Variants in DMD observed in about 807,000 individuals in gnomAD.
DMD encodes dystrophin, also known as mutant dystrophin.
In DMD, 63 loss-of-function variants were observed where a neutral mutation model predicts 330.1. The ratio of observed to expected loss-of-function variants is 0.19; its 90% CI spans 0.16 to 0.24. DMD has a LOEUF of 0.24. DMD is among the 10% of genes least tolerant of loss of function. The pLI is 1.00. For missense variants in DMD, 3,344 were observed against 2,684.1 expected, an observed-to-expected ratio of 1.25 and a Z score of -5.43; for synonymous variants, 1,223 against 959.8, an observed-to-expected ratio of 1.27 and a Z score of -5.07.
At chrX:31,576,053 A>G (rs933244802) in intron 55 of DMD, among the ~76,000 whole-genome samples, 2 of 112,051 alleles carry the variant, frequency 1.8e-5, no homozygotes, top group African/African-American at 6.5e-5. Context: ...TTAAGACCAC[A>G]AAACTTGCAA....
intron 1 of DMD, among the ~76,000 whole-genome samples, chrX:33,105,192 C>T (rs2095274884): frequency 9.0e-6 from 1 of 111,646 alleles, no homozygotes; most frequent in South Asian, 3.7e-4. Flanking sequence ...ACAGCCTATT[C>T]AATAAATGGT....
chrX:31,435,163 C>G (rs1339039351), intron 60 of DMD, among the ~76,000 whole-genome samples: 2 of 111,610 alleles, frequency 1.8e-5, no homozygotes, highest in African/African-American at 6.5e-5. Flanking sequence ...ACCTCCCTCA[C>G]TGGGTTACGT....
intron 1 of DMD, among the ~76,000 whole-genome samples, chrX:33,162,290 T>C (rs971256201): frequency 8.9e-6 from 1 of 111,982 alleles, no homozygotes; most frequent in Non-Finnish European, 1.9e-5. Context: ...ATTTAATAAT[T>C]AGCTTATGAT....
At chrX:32,434,835 T>C (rs923543383) in intron 29 of DMD, among the ~76,000 whole-genome samples, 5 of 111,892 alleles carry the variant, frequency 4.5e-5, no homozygotes, top group Non-Finnish European at 9.4e-5. Flanking sequence ...AATCAGCTTA[T>C]CACAGGCTGA....
chrX:32,329,555 G>C (rs994684795), intron 41 of DMD, among the ~76,000 whole-genome samples: 1 of 112,108 alleles, frequency 8.9e-6, no homozygotes, highest in African/African-American at 3.2e-5. Flanking sequence ...AAATACTCGA[G>C]TGTATCTACG....
At chrX:32,953,038 G>A (rs1294702558) in intron 2 of DMD, among the ~76,000 whole-genome samples, 1 of 107,878 alleles carries the variant, frequency 9.3e-6, no homozygotes, top group African/African-American at 3.4e-5. Context: ...GGGAGGCTGA[G>A]GCAGGAGAAT....
chrX:33,088,926 T>A (rs968735737), intron 1 of DMD, among the ~76,000 whole-genome samples: 1 of 110,797 alleles, frequency 9.0e-6, no homozygotes, highest in Admixed American at 9.7e-5. Flanking sequence ...TGAAACAGGA[T>A]AGTAAAATAA....
intron 57 of DMD, among the ~76,000 whole-genome samples, chrX:31,495,849 T>C (rs1039915671): frequency 3.6e-5 from 4 of 111,588 alleles, no homozygotes; most frequent in African/African-American, 1.3e-4. Flanking sequence ...GATGGAAGAA[T>C]ACACGAACAC....
chrX:32,413,710 CTTT>C (rs779787287), intron 29 of DMD, among the ~76,000 whole-genome samples: 2 of 78,575 alleles, frequency 2.5e-5, no homozygotes, highest in Non-Finnish European at 4.7e-5. Context: ...AAGCTCTATT[CTTT>C]TTTTTTTTTT....
intron 55 of DMD, 38 bp from the exon 56 acceptor site, chrX:31,507,491 C>A (rs1348370443): frequency 8.7e-7 from 1 of 1,143,294 alleles, no homozygotes; most frequent in Non-Finnish European, 1.2e-6. Context: ...TGCAGAATTA[C>A]CAAACAAAAG....
chrX:33,247,276 G>A (rs754856888), intron 1 of DMD, among the ~76,000 whole-genome samples: 8 of 111,340 alleles, frequency 7.2e-5, no homozygotes, highest in Non-Finnish European at 1.1e-4. Flanking sequence ...GCATTACAAT[G>A]TAACAGATAA....
In DMD at chrX:31,294,623, C is replaced by G. The variant is rs193168697; in HGVS notation, c.9224+28975G>C. 4.5e-5 allele frequency among the ~76,000 whole-genome samples: 5 copies of G among 112,273 alleles called. No homozygotes were observed. In the East Asian group the frequency reaches 1.1e-3, roughly 25 times the overall value. On this transcript the variant is annotated intron_variant, in intron 62 of 78. Coordinates refer to ENST00000357033, the MANE Select transcript of DMD (RefSeq NM_004006.3). Reference sequence around the variant, plus strand: ...TTTTATCTCCTCACATTTGAGTAAACGTACTTCTGCAGTCTAATTAGCTGA... The same window carrying G: ...TTTTATCTCCTCACATTTGAGTAAAGGTACTTCTGCAGTCTAATTAGCTGA...
intron 44 of DMD, among the ~76,000 whole-genome samples, chrX:32,009,799 A>G (rs899097571): frequency 1.8e-5 from 2 of 111,823 alleles, no homozygotes; most frequent in Admixed American, 1.9e-4. Context: ...AAGAAAAATG[A>G]CCCAAATTTA....
At chrX:33,068,016 G>A (rs1272311570) in intron 1 of DMD, among the ~76,000 whole-genome samples, 2 of 111,843 alleles carry the variant, frequency 1.8e-5, no homozygotes, top group East Asian at 2.8e-4. Context: ...TGCTAGTGCT[G>A]AAAATTTCTT....
intron 2 of DMD, among the ~76,000 whole-genome samples, chrX:32,962,909 CAG>C (rs2091960705): frequency 2.7e-5 from 3 of 110,829 alleles, no homozygotes; most frequent in African/African-American, 9.8e-5. Context: ...TAGTGTAAGA[CAG>C]GGGCAAGAAA....
At chrX:31,764,054 A>AT (rs992426147) in intron 51 of DMD, among the ~76,000 whole-genome samples, 2 of 109,888 alleles carry the variant, frequency 1.8e-5, no homozygotes, top group African/African-American at 6.6e-5. Context: ...TTTTTATTTC[A>AT]TTTTTTTGTA....
intron 44 of DMD, among the ~76,000 whole-genome samples, chrX:31,975,765 G>A (rs2150227800): frequency 8.9e-6 from 1 of 112,060 alleles, no homozygotes; most frequent in Non-Finnish European, 1.9e-5. Context: ...TATCAATTTG[G>A]AGCCACATAA....
chrX:32,634,985 C>CATG (rs1245516799), intron 11 of DMD, among the ~76,000 whole-genome samples: 1 of 111,966 alleles, frequency 8.9e-6, no homozygotes, highest in Middle Eastern at 4.2e-3. Context: ...CACTCTAATC[C>CATG]ATGATGACAA....
At chrX:32,304,147 G>A (rs2097532802) in intron 42 of DMD, among the ~76,000 whole-genome samples, 1 of 111,098 alleles carries the variant, frequency 9.0e-6, no homozygotes, top group African/African-American at 3.3e-5. Context: ...CATAAAAAAC[G>A]ACATTATAAC....
Sources: allele counts gnomAD v4.1 joint callset (sites outside exome capture counted in the v4.1 genomes callset), GRCh38; gene constraint gnomAD v4.1.1; transcripts MANE v1.5; gene names NCBI Gene and HGNC (gene_info 2026-07-23, HGNC 2026-07-21).